The following SRBD1 variants were observed in gnomAD, a reference collection of about 807,000 sequenced individuals.
SRBD1 encodes the protein S1 RNA binding domain 1.
SRBD1 carries 88 observed loss-of-function variants against 115.3 expected under a neutral mutation model. The observed-to-expected ratio is 0.76, with a 90% CI of 0.64 to 0.91. The LOEUF (loss-of-function observed/expected upper bound fraction) is 0.91, where lower values mean the gene tolerates loss of function less well. SRBD1 is among the 40% of genes least tolerant of loss of function. The pLI, the probability that SRBD1 is intolerant of heterozygous loss-of-function variation, is 0.00. For missense variants in SRBD1, 1,385 were observed against 1,177.4 expected (o/e 1.18, Z -2.58); for synonymous variants, 509 against 407.7 (o/e 1.25, Z -2.99).
chr2:45,485,745 AG>A (rs1670098407), intron 15 of SRBD1, among the ~76,000 whole-genome samples: 1 of 152,210 alleles, frequency 6.6e-6, no homozygotes, highest in African/African-American at 2.4e-5. Context: ...GAGGACTTAA[AG>A]GTAAAAAATC....
At chr2:45,512,394 G>A (rs1670996592) in intron 14 of SRBD1, among the ~76,000 whole-genome samples, 1 of 152,072 alleles carries the variant, frequency 6.6e-6, no homozygotes, top group Non-Finnish European at 1.5e-5. Flanking sequence ...CTGAGAATAC[G>A]CATCACTTAC....
chr2:45,402,964 G>C (rs902954422), intron 19 of SRBD1, among the ~76,000 whole-genome samples: 6 of 152,130 alleles, frequency 3.9e-5, no homozygotes, highest in African/African-American at 1.4e-4. Flanking sequence ...CTGTTTCTGG[G>C]TCTCATTCTA....
intron 14 of SRBD1, among the ~76,000 whole-genome samples, chr2:45,509,557 C>G (rs149278859): frequency 0.011 from 1,683 of 148,624 alleles, 39 homozygotes; most frequent in African/African-American, 0.037. Context: ...GATTGCACCA[C>G]TGCACTCCAG....
chr2:45,420,394 C>T (rs1167318341), intron 16 of SRBD1, among the ~76,000 whole-genome samples: 1 of 152,164 alleles, frequency 6.6e-6, no homozygotes, highest in East Asian at 1.9e-4. Flanking sequence ...AACAGTAAGA[C>T]AGTAAATCAA....
intron 16 of SRBD1, among the ~76,000 whole-genome samples, chr2:45,440,632 C>T (rs1234916179): frequency 6.6e-6 from 1 of 152,164 alleles, no homozygotes; most frequent in Admixed American, 6.5e-5. Context: ...TTGACATTTC[C>T]ACTGTAAATC....
At position 45,541,186 on chromosome 2, in the gene SRBD1, T is replaced by A. The variant is rs563281273; in HGVS notation, c.1874+5546A>T. Reference sequence around the variant, plus strand: ...CAGGGCAGGTGGTGCCATGCAAGGCTGTGGCTGGACCAGATATATCACATG... The same window carrying A: ...CAGGGCAGGTGGTGCCATGCAAGGCAGTGGCTGGACCAGATATATCACATG... On this transcript the variant is annotated intron_variant, in intron 14 of 20. Coordinates refer to ENST00000263736, the MANE Select transcript of SRBD1 (RefSeq NM_018079.5). Among the ~76,000 whole-genome samples, 4 of 152,344 alleles carry A rather than the reference T, an allele frequency of 2.6e-5. No homozygotes were observed. The East Asian group carries it at 7.7e-4, about 29-fold the overall frequency.
intron 15 of SRBD1, among the ~76,000 whole-genome samples, chr2:45,482,457 G>T (rs1365608641): frequency 6.6e-6 from 1 of 151,996 alleles, no homozygotes; most frequent in East Asian, 1.9e-4. Flanking sequence ...CAGGAGTTGG[G>T]GAGTGGAGAG....
chr2:45,440,010 G>C (rs1193474930), intron 16 of SRBD1, among the ~76,000 whole-genome samples: 3 of 152,048 alleles, frequency 2.0e-5, no homozygotes, highest in Admixed American at 6.6e-5. Flanking sequence ...GACTCTAAAA[G>C]GTAATCCTTT....
At chr2:45,389,984 C>G (rs918781335) in intron 20 of SRBD1, among the ~76,000 whole-genome samples, 5 of 150,976 alleles carry the variant, frequency 3.3e-5, no homozygotes, top group African/African-American at 1.2e-4. Context: ...AGACTGGAAG[C>G]TTTTTTTTTG....
At chr2:45,422,522 T>G (rs531164543) in intron 16 of SRBD1, among the ~76,000 whole-genome samples, 22 of 152,292 alleles carry the variant, frequency 1.4e-4, no homozygotes, top group African/African-American at 5.3e-4. Context: ...ATACAGCATA[T>G]TGTATATACC....
chr2:45,532,210 A>C (rs1671635025), intron 14 of SRBD1, among the ~76,000 whole-genome samples: 2 of 151,974 alleles, frequency 1.3e-5, no homozygotes, highest in South Asian at 4.1e-4. Context: ...CCCAAGACTT[A>C]AAACAACTGC....
intron 9 of SRBD1, 110 bp from the exon 10 acceptor site, chr2:45,562,866 A>C (rs1167754486): frequency 2.7e-5 from 17 of 622,420 alleles, no homozygotes; most frequent in Non-Finnish European, 4.3e-5. Flanking sequence ...ATTAAACAAG[A>C]ATACATTTTA....
intron 1 of SRBD1, 62 bp from the exon 2 acceptor site, chr2:45,605,503 C>T: frequency 6.9e-7 from 1 of 1,445,426 alleles, no homozygotes; most frequent in African/African-American, 1.4e-5. Context: ...TATTTGGCTA[C>T]AAGTAATGGG....
rs779346360 is a variant in SRBD1, at chr2:45,413,213, T to C, written c.2414A>G (p.Gln805Arg). The C allele has an allele frequency of 6.2e-7, 1 of 1,614,130 alleles. No homozygotes were observed. The highest frequency in any genetic ancestry group is 8.5e-7 in the Non-Finnish European group (1 of 1,179,976). The change falls in exon 19 of 21, where the codon CAG becomes CGG. Residue 805 changes from glutamine to arginine, a missense_variant. Transcript: ENST00000263736. ...TGCAGTTTTGCTCTTCTTTTTGCCC[T>C]GCTTCTCATTTGTGACCTCAACGTC... ...SADVEVTNEKQGKKKSKTAVN... is the reference protein window; with the variant it reads ...SADVEVTNEKRGKKKSKTAVN...
chr2:45,487,858 T>C (rs1670167781), intron 15 of SRBD1, among the ~76,000 whole-genome samples: 1 of 152,032 alleles, frequency 6.6e-6, no homozygotes, highest in Non-Finnish European at 1.5e-5. Context: ...TTCACCATCT[T>C]GGCCAGGCTG....
intron 16 of SRBD1, among the ~76,000 whole-genome samples, chr2:45,451,885 CA>C (rs1669009764): frequency 6.6e-6 from 1 of 151,206 alleles, no homozygotes; most frequent in African/African-American, 2.4e-5. Context: ...TTTTCTTTTA[CA>C]TAAATGAGAG....
chr2:45,466,454 C>G (rs1669492931), intron 16 of SRBD1, among the ~76,000 whole-genome samples: 1 of 152,084 alleles, frequency 6.6e-6, no homozygotes, highest in East Asian at 1.9e-4. Flanking sequence ...CAAATCCTGA[C>G]CTCCTTAAAT....
chr2:45,537,263 G>T (rs542479851), intron 14 of SRBD1, among the ~76,000 whole-genome samples: 2 of 152,062 alleles, frequency 1.3e-5, no homozygotes, highest in Admixed American at 1.3e-4. Flanking sequence ...CAAGAATATC[G>T]GTTATACCTA....
chr2:45,427,417 A>C lies in SRBD1; in HGVS notation c.2050-7523T>G, dbSNP rs560960247. On this transcript the variant is annotated intron_variant, in intron 16 of 20. Coordinates refer to ENST00000263736, the MANE Select transcript of SRBD1 (RefSeq NM_018079.5). ...AAAGACACACACAGGCTCAAAATAA[A>C]GGGATGGAGGAATATTTATCAAGCA... is the stretch of plus-strand genomic sequence containing the variant. Among the ~76,000 whole-genome samples, 3 of 151,716 alleles carry C rather than the reference A, an allele frequency of 2.0e-5. No individual in the cohort carries two copies. In the East Asian group the frequency reaches 5.8e-4, roughly 30 times the overall value.
Sources: gnomAD v4.1 joint callset for allele counts (sites outside exome capture counted in the v4.1 genomes callset) on GRCh38, gnomAD v4.1.1 for gene constraint, MANE v1.5 for transcripts, NCBI Gene and HGNC (gene_info 2026-07-23, HGNC 2026-07-21) for gene names.